The following GMDS variants were observed in gnomAD, a reference collection of about 807,000 sequenced individuals.
GMDS encodes the protein GDP-mannose 4,6-dehydratase, also known as GDP-mannose 4,6 dehydratase.
In GMDS, 20 loss-of-function variants were observed where a neutral mutation model predicts 49.9. The observed-to-expected ratio is 0.40, with a 90% confidence interval of 0.28 to 0.58. GMDS has a LOEUF of 0.58. GMDS is among the 20% of genes least tolerant of loss of function. GMDS has a pLI of 0.42. For synonymous variants in GMDS, 177 were observed against 178.6 expected, an observed-to-expected ratio of 0.99 and a Z score of 0.07; for missense variants, 362 against 481.4, an observed-to-expected ratio of 0.75 and a Z score of 2.32.
chr6:1,790,392 T>C (rs1769489636), intron 7 of GMDS, among the ~76,000 whole-genome samples: 1 of 152,196 alleles, frequency 6.6e-6, no homozygotes, highest in South Asian at 2.1e-4. Flanking sequence ...CTTTATTTTA[T>C]AAAGAAGCAA....
At chr6:1,933,803 T>C (rs747683694) in intron 6 of GMDS, among the ~76,000 whole-genome samples, 1 of 152,248 alleles carries the variant, frequency 6.6e-6, no homozygotes, top group African/African-American at 2.4e-5. Context: ...GCAAAGATTT[T>C]CTCTCATTCT....
intron 9 of GMDS, among the ~76,000 whole-genome samples, chr6:1,678,572 G>A (rs2113300700): frequency 6.6e-6 from 1 of 152,176 alleles, no homozygotes; most frequent in Middle Eastern, 3.4e-3. Context: ...GAGTTCAATG[G>A]ACTTTTATTT....
intron 7 of GMDS, among the ~76,000 whole-genome samples, chr6:1,749,485 T>G (rs1767639856): frequency 6.6e-6 from 1 of 151,818 alleles, no homozygotes; most frequent in Non-Finnish European, 1.5e-5. Context: ...CCCAGCCACT[T>G]GGGAGGCTGA....
At chr6:1,819,776 AATATAT>A (rs397742149) in intron 7 of GMDS, among the ~76,000 whole-genome samples, 17 of 103,514 alleles carry the variant, frequency 1.6e-4, no homozygotes, top group Non-Finnish European at 2.2e-4. Context: ...AAAAAAAAAA[AATATAT>A]ATATATATAT....
At chr6:2,215,430 A>G (rs991683089) in intron 1 of GMDS, among the ~76,000 whole-genome samples, 2 of 152,190 alleles carry the variant, frequency 1.3e-5, no homozygotes, top group African/African-American at 4.8e-5. Flanking sequence ...GTTTCCCTTT[A>G]TAAAACCATC....
chr6:1,859,656 C>T (rs867085784), intron 7 of GMDS, among the ~76,000 whole-genome samples: 25 of 152,086 alleles, frequency 1.6e-4, no homozygotes, highest in Non-Finnish European at 1.2e-4. Context: ...TGCTGAGGAG[C>T]CTCTGGAAGC....
chr6:1,774,191 A>G (rs1266776419), intron 7 of GMDS, among the ~76,000 whole-genome samples: 2 of 152,236 alleles, frequency 1.3e-5, no homozygotes, highest in Non-Finnish European at 2.9e-5. Flanking sequence ...CTTAGCTGTA[A>G]TGTTCATATA....
intron 9 of GMDS, among the ~76,000 whole-genome samples, chr6:1,647,710 A>C (rs1311109910): frequency 1.3e-5 from 2 of 152,156 alleles, no homozygotes; most frequent in Non-Finnish European, 1.5e-5. Flanking sequence ...CTTGTGTGGA[A>C]CGGAATGCTC....
intron 7 of GMDS, among the ~76,000 whole-genome samples, chr6:1,871,352 G>A (rs957622515): frequency 2.6e-4 from 40 of 151,572 alleles, no homozygotes; most frequent in Admixed American, 2.6e-4. Flanking sequence ...TCATTAAATA[G>A]TGAAAGAACA....
At chr6:2,201,523 G>C (rs1183586689) in intron 1 of GMDS, among the ~76,000 whole-genome samples, 115 of 103,352 alleles carry the variant, frequency 1.1e-3, no homozygotes, top group Middle Eastern at 6.8e-3. Flanking sequence ...AGGATGAAGA[G>C]AGAGCACCAC....
chr6:1,636,098 C>T (rs1410587881), intron 9 of GMDS, among the ~76,000 whole-genome samples: 1 of 152,194 alleles, frequency 6.6e-6, no homozygotes, highest in South Asian at 2.1e-4. Context: ...CCGCGTGCCA[C>T]GAGGAATCTG....
intron 9 of GMDS, among the ~76,000 whole-genome samples, chr6:1,682,052 C>T (rs559892598): frequency 3.9e-5 from 6 of 151,988 alleles, no homozygotes; most frequent in Admixed American, 1.3e-4. Context: ...CCTGGCTCCA[C>T]GGTATGGCCC....
intron 6 of GMDS, among the ~76,000 whole-genome samples, chr6:1,945,929 T>G (rs570826489): frequency 1.4e-4 from 22 of 152,334 alleles, no homozygotes; most frequent in African/African-American, 5.3e-4. Flanking sequence ...CCCAGGATAG[T>G]GTCTATAAAC....
chr6:1,636,089 C>T (rs1223391581), intron 9 of GMDS, among the ~76,000 whole-genome samples: 6 of 152,168 alleles, frequency 3.9e-5, no homozygotes, highest in African/African-American at 9.7e-5. Context: ...GGATGAGATC[C>T]GCGTGCCACG....
intron 1 of GMDS, among the ~76,000 whole-genome samples, chr6:2,235,174 G>T (rs1318801432): frequency 2.0e-5 from 3 of 152,150 alleles, no homozygotes; most frequent in Admixed American, 6.5e-5. Context: ...TGTACACAAA[G>T]GTGCCACAGC....
At chr6:1,624,410 G>T in intron 10 of GMDS, 62 bp downstream of exon 10, 1 of 1,487,486 alleles carries the variant, frequency 6.7e-7, no homozygotes, top group African/African-American at 1.4e-5. Flanking sequence ...CCGACCCTGA[G>T]AGCTGCCGCC....
chr6:1,624,678 T>A, intron 9 of GMDS, 138 bp from the exon 10 acceptor site: 2 of 641,738 alleles, frequency 3.1e-6, no homozygotes, highest in Non-Finnish European at 5.6e-6. Flanking sequence ...CGGTCCCTGC[T>A]GTGCGCGTTC....
chr6:2,166,352 A>G (rs1027268702), intron 1 of GMDS, among the ~76,000 whole-genome samples: 7 of 152,214 alleles, frequency 4.6e-5, no homozygotes, highest in Non-Finnish European at 1.0e-4. Context: ...AACATAATAA[A>G]TGGCTGTCAG....
chr6:2,013,098 T>A (rs975194289), intron 4 of GMDS, among the ~76,000 whole-genome samples: 2 of 152,172 alleles, frequency 1.3e-5, no homozygotes, highest in African/African-American at 4.8e-5. Context: ...CAGCCTCATT[T>A]TAAAAATAGG....
Sources: allele counts gnomAD v4.1 joint callset (sites outside exome capture counted in the v4.1 genomes callset), GRCh38; gene constraint gnomAD v4.1.1; transcripts MANE v1.5; gene names NCBI Gene and HGNC (gene_info 2026-07-23, HGNC 2026-07-21).